Variants in TMEM17 observed in about 807,000 individuals in gnomAD.
TMEM17 encodes the protein transmembrane protein 17.
In TMEM17, 15 loss-of-function variants were observed where a neutral mutation model predicts 19.1. The ratio of observed to expected loss-of-function variants is 0.78; its 90% CI spans 0.52 to 1.21. The LOEUF is 1.21. Ranked by LOEUF, TMEM17 falls within the 50% of genes most tolerant of loss-of-function variation. The probability of loss-of-function intolerance (pLI) is 0.00; values close to 1 mark genes in which losing one functional copy is unlikely to be tolerated. For missense variants in TMEM17, 245 were observed against 242.3 expected (o/e 1.01, Z -0.07); for synonymous variants, 103 against 86.9 (o/e 1.19, Z -1.03).
chr2:62,461,883 G>C, the TMEM17 span, among the ~76,000 whole-genome samples: 42 of 152,212 alleles, frequency 2.8e-4, no homozygotes, highest in African/African-American at 9.7e-4. Context: ...TGCTAATCCA[G>C]AGTTAGTCAC....
At chr2:62,483,685 C>T in the TMEM17 span, among the ~76,000 whole-genome samples, 2 of 151,670 alleles carry the variant, frequency 1.3e-5, no homozygotes, top group Admixed American at 1.3e-4. Flanking sequence ...CTGCAACCTC[C>T]GCCTCCTGGG....
the TMEM17 span, among the ~76,000 whole-genome samples, chr2:62,467,699 A>G: frequency 2.0e-5 from 3 of 152,260 alleles, no homozygotes; most frequent in East Asian, 5.8e-4. Context: ...CTGCAGGGCC[A>G]GGTGGAGCTG....
At chr2:62,484,759 A>G in the TMEM17 span, among the ~76,000 whole-genome samples, 1 of 152,068 alleles carries the variant, frequency 6.6e-6, no homozygotes, top group Non-Finnish European at 1.5e-5. Context: ...TCAAGTCTGT[A>G]TTTGTCACTA....
the TMEM17 span, among the ~76,000 whole-genome samples, chr2:62,454,915 CA>C: frequency 1.3e-5 from 2 of 152,100 alleles, no homozygotes; most frequent in Non-Finnish European, 2.9e-5. Flanking sequence ...TGTGTTAGCC[CA>C]GGATGGTCTC....
At chr2:62,503,856 A>G (rs1270777226) in intron 1 of TMEM17, among the ~76,000 whole-genome samples, 2 of 152,260 alleles carry the variant, frequency 1.3e-5, no homozygotes, top group Non-Finnish European at 2.9e-5. Context: ...TAGCATAGCC[A>G]TTTGTGATAC....
At chr2:62,464,273 G>A in the TMEM17 span, among the ~76,000 whole-genome samples, 18 of 152,356 alleles carry the variant, frequency 1.2e-4, no homozygotes, top group African/African-American at 3.6e-4. Flanking sequence ...ACTGTAACAC[G>A]CCCTGTGGGG....
chr2:62,466,636 A>G, the TMEM17 span, among the ~76,000 whole-genome samples: 1 of 152,188 alleles, frequency 6.6e-6, no homozygotes, highest in Non-Finnish European at 1.5e-5. Flanking sequence ...TGGCCCTGGA[A>G]GCCTTAGGAA....
the TMEM17 span, among the ~76,000 whole-genome samples, chr2:62,489,794 A>C: frequency 6.6e-6 from 1 of 152,214 alleles, no homozygotes; most frequent in Non-Finnish European, 1.5e-5. Context: ...AATTTTTAAA[A>C]ATCAAAAATA....
downstream of TMEM17, among the ~76,000 whole-genome samples, chr2:62,498,702 C>G (rs770087177): frequency 7.0e-5 from 10 of 142,820 alleles, no homozygotes; most frequent in Non-Finnish European, 1.3e-4. Flanking sequence ...GGCGACAGAG[C>G]GAGACTCCGT....
downstream of TMEM17, among the ~76,000 whole-genome samples, chr2:62,496,744 C>T (rs1246702639): frequency 6.6e-6 from 1 of 152,138 alleles, no homozygotes; most frequent in African/African-American, 2.4e-5. Flanking sequence ...AGTAAAGAAT[C>T]ATTAGGTAGG....
the TMEM17 span, among the ~76,000 whole-genome samples, chr2:62,454,760 G>A: frequency 6.6e-6 from 1 of 152,170 alleles, no homozygotes; most frequent in Admixed American, 6.5e-5. Flanking sequence ...CTGGAGTGCA[G>A]TGGCACGATC....
the TMEM17 span, among the ~76,000 whole-genome samples, chr2:62,460,342 C>T: frequency 1.3e-5 from 2 of 152,178 alleles, no homozygotes; most frequent in Non-Finnish European, 2.9e-5. Context: ...CATAGGGAGC[C>T]ATGGAGCGCC....
Position 62,501,307 on chromosome 2 carries a change from T to C in TMEM17, c.499A>G (p.Asn167Asp). 1.2e-6 allele frequency: 2 copies of C among 1,614,222 alleles called. No individual in the cohort carries two copies. The highest frequency in any genetic ancestry group is 1.3e-5 in the African/African-American group (1 of 75,062). ...AAFLTLRKMV[N>D]QLAVRFHLQD... The stretch of plus-strand genomic sequence containing the variant: ...AGGTGGAAACGAACTGCCAACTGAT[T>C]AACCATTTTCCTTAAGGTAAGAAAT... Residue 167 changes from asparagine to aspartate, a missense_variant, in exon 4 of 4, where the codon AAT becomes GAT. By Grantham distance (23) the Asn-to-Asp change is conservative. Transcript: ENST00000335390.
At chr2:62,472,133 C>G in the TMEM17 span, among the ~76,000 whole-genome samples, 3 of 152,208 alleles carry the variant, frequency 2.0e-5, no homozygotes, top group East Asian at 5.8e-4. Context: ...ATTTCGAGTT[C>G]TTTTTGGAAA....
chr2:62,454,752 G>A, the TMEM17 span, among the ~76,000 whole-genome samples: 3 of 152,146 alleles, frequency 2.0e-5, no homozygotes, highest in African/African-American at 4.8e-5. Context: ...CGCCCAGGCT[G>A]GAGTGCAGTG....
At chr2:62,454,460 G>A in the TMEM17 span, among the ~76,000 whole-genome samples, 1 of 152,146 alleles carries the variant, frequency 6.6e-6, no homozygotes, top group Non-Finnish European at 1.5e-5. Flanking sequence ...AATGTAAAAG[G>A]TGGCACAATA....
chr2:62,476,273 G>C, the TMEM17 span, among the ~76,000 whole-genome samples: 1 of 152,230 alleles, frequency 6.6e-6, no homozygotes, highest in South Asian at 2.1e-4. Flanking sequence ...GCACTATGCA[G>C]CATCTACTGT....
At chr2:62,462,380 C>T in the TMEM17 span, among the ~76,000 whole-genome samples, 2 of 152,188 alleles carry the variant, frequency 1.3e-5, no homozygotes, top group Non-Finnish European at 2.9e-5. Context: ...GAACAAGTCA[C>T]TGACCCTCTC....
At chr2:62,490,020 CA>C in the TMEM17 span, among the ~76,000 whole-genome samples, 1 of 151,842 alleles carries the variant, frequency 6.6e-6, no homozygotes, top group Non-Finnish European at 1.5e-5. Flanking sequence ...AGTAAAAATA[CA>C]AAAAATTAGC....
Sources: allele counts gnomAD v4.1 joint callset (sites outside exome capture counted in the v4.1 genomes callset), GRCh38; gene constraint gnomAD v4.1.1; transcripts MANE v1.5; gene names NCBI Gene and HGNC (gene_info 2026-07-23, HGNC 2026-07-21).